Variants in EGFLAM observed in about 807,000 individuals in gnomAD.
The protein encoded by EGFLAM is EGF like, fibronectin type III and laminin G domains, also known as pikachurin.
Under a neutral mutation model 113.1 loss-of-function variants are expected in EGFLAM, and 79 were observed. The observed-to-expected ratio is 0.70, with a 90% CI of 0.58 to 0.84. EGFLAM has a LOEUF of 0.84. Ranked by LOEUF, EGFLAM falls within the 40% of genes least tolerant of loss-of-function variation. The probability of loss-of-function intolerance (pLI) is 0.00; values close to 1 mark genes in which losing one functional copy is unlikely to be tolerated. For missense variants in EGFLAM, 1,265 were observed against 1,291.6 expected, an observed-to-expected ratio of 0.98 and a Z score of 0.32; for synonymous variants, 504 against 487.6, an observed-to-expected ratio of 1.03 and a Z score of -0.44.
chr5:38,447,380 C>T (rs1483925906), intron 17 of EGFLAM, among the ~76,000 whole-genome samples: 1 of 152,222 alleles, frequency 6.6e-6, no homozygotes, highest in African/African-American at 2.4e-5. Context: ...CTACTCCTCA[C>T]TTTCTTCTTC....
At chr5:38,459,770 CCCCTGGCTGCTGGGCCCCCAA>C (rs1283317588) in intron 20 of EGFLAM, among the ~76,000 whole-genome samples, 14,498 of 91,560 alleles carry the variant, frequency 0.16, 2,128 homozygotes, top group African/African-American at 0.44. Context: ...GGGCCCCCAA[CCCCTGGCTGCTGGGCCCCCAA>C]CCCTGGCTGT....
intron 19 of EGFLAM, among the ~76,000 whole-genome samples, chr5:38,455,615 T>A (rs1445148291): frequency 6.6e-6 from 1 of 152,032 alleles, no homozygotes; most frequent in Non-Finnish European, 1.5e-5. Flanking sequence ...CCAGGGTGAG[T>A]ATCAGCACGT....
chr5:38,275,624 T>C (rs1757866493), intron 1 of EGFLAM, among the ~76,000 whole-genome samples: 1 of 152,204 alleles, frequency 6.6e-6, no homozygotes, highest in South Asian at 2.1e-4. Flanking sequence ...GCAATGTGAA[T>C]AGTAAGGGAC....
chr5:38,352,085 A>T, intron 4 of EGFLAM, 111 bp from the exon 5 acceptor site: 1 of 1,482,072 alleles, frequency 6.7e-7, no homozygotes. Flanking sequence ...CGAGCTGTTT[A>T]TGTATTATAT....
At position 38,464,008 on chromosome 5, in the gene EGFLAM, G is replaced by A. The variant is rs150706901; in HGVS notation, c.*22G>A. ...GTAACACCAGCTGGCCTTGTCCAAGGGACAGAGCCTTCTATTCTGAGAATC... is the reference window on the plus strand; with the variant it reads ...GTAACACCAGCTGGCCTTGTCCAAGAGACAGAGCCTTCTATTCTGAGAATC... On this transcript the variant is annotated 3_prime_UTR_variant, in exon 22 of 22. Transcript: ENST00000322350. 8.0e-4 allele frequency: 1,293 copies of A among 1,614,008 alleles called. 11 individuals are homozygous for A. In the African/African-American group the frequency reaches 0.014, roughly 18 times the overall value.
intron 12 of EGFLAM, among the ~76,000 whole-genome samples, chr5:38,418,532 T>C (rs893263694): frequency 2.6e-5 from 4 of 152,234 alleles, no homozygotes; most frequent in Non-Finnish European, 4.4e-5. Flanking sequence ...TCATGAAATA[T>C]GGCATGGTCT....
At chr5:38,452,513 A>G (rs547531532) in intron 19 of EGFLAM, among the ~76,000 whole-genome samples, 3 of 152,178 alleles carry the variant, frequency 2.0e-5, no homozygotes, top group Non-Finnish European at 2.9e-5. Context: ...TAAATTAGGA[A>G]GGGGCAGAAA....
chr5:38,425,116 C>T (rs199725252), intron 13 of EGFLAM, 24 bp downstream of exon 13: 129 of 1,607,416 alleles, frequency 8.0e-5, no homozygotes, highest in Admixed American at 8.4e-5. Flanking sequence ...AAGTTGAAGG[C>T]GGTTTCTATC....
chr5:38,422,511 T>C (rs756451222), intron 12 of EGFLAM, among the ~76,000 whole-genome samples: 17 of 152,192 alleles, frequency 1.1e-4, no homozygotes, highest in Non-Finnish European at 2.5e-4. Context: ...CTCATAATGA[T>C]GTTCTTAAAT....
In EGFLAM at chr5:38,463,084, G is replaced by A. The variant is rs75221022; in HGVS notation, c.2875+73G>A. The A allele has an allele frequency of 1.1e-3, 1,587 of 1,455,460 alleles. 15 individuals carry two copies. In the African/African-American group the frequency reaches 0.016, roughly 15 times the overall value. The allele number at this position is 1,455,460 out of a possible 1,614,324, so 90.2% of individuals were successfully genotyped here. On this transcript the variant is annotated intron_variant, in intron 21 of 21. Coordinates refer to ENST00000322350, the MANE Select transcript of EGFLAM (RefSeq NM_152403.4). ...TTGTTAGTCTTCCATTTGCTGTGCC[G>A]AGGCTATGTACTTTGCTGGATCAAA...
chr5:38,307,542 T>C (rs770346327), intron 1 of EGFLAM, among the ~76,000 whole-genome samples: 29 of 152,228 alleles, frequency 1.9e-4, no homozygotes, highest in African/African-American at 6.8e-4. Flanking sequence ...TGCGGAACTG[T>C]GAGTCAATTA....
chr5:38,312,141 G>A (rs1011774829), intron 1 of EGFLAM, among the ~76,000 whole-genome samples: 2 of 152,072 alleles, frequency 1.3e-5, no homozygotes, highest in African/African-American at 4.8e-5. Flanking sequence ...GGTTACAAGT[G>A]CTGGCTTTGG....
chr5:38,324,743 C>T (rs1193084865), intron 1 of EGFLAM, among the ~76,000 whole-genome samples: 1 of 152,128 alleles, frequency 6.6e-6, no homozygotes, highest in Non-Finnish European at 1.5e-5. Context: ...ATCTCTTAGG[C>T]TCGGGGGAAG....
At chr5:38,263,823 T>C (rs1416755764) in intron 1 of EGFLAM, among the ~76,000 whole-genome samples, 1 of 152,210 alleles carries the variant, frequency 6.6e-6, no homozygotes, top group Non-Finnish European at 1.5e-5. Flanking sequence ...AGTCAAGGTT[T>C]ATTTGCTTTT....
intron 1 of EGFLAM, among the ~76,000 whole-genome samples, chr5:38,336,594 C>CACACACACACACACAG (rs1464248505): frequency 6.6e-6 from 1 of 151,608 alleles, no homozygotes; most frequent in African/African-American, 2.4e-5. Flanking sequence ...CACACACACA[C>CACACACACACACACAG]ACACAGACAC....
At chr5:38,316,629 A>G (rs1738602913) in intron 1 of EGFLAM, among the ~76,000 whole-genome samples, 1 of 152,128 alleles carries the variant, frequency 6.6e-6, no homozygotes, top group Non-Finnish European at 1.5e-5. Flanking sequence ...TTTTTGTTAA[A>G]GATTCTGCAT....
At chr5:38,330,255 A>G (rs1233662961) in intron 1 of EGFLAM, among the ~76,000 whole-genome samples, 1 of 152,210 alleles carries the variant, frequency 6.6e-6, no homozygotes, top group Non-Finnish European at 1.5e-5. Flanking sequence ...CCAATTGGAT[A>G]TACTCTTGAG....
intron 17 of EGFLAM, among the ~76,000 whole-genome samples, chr5:38,445,879 G>C (rs920618809): frequency 5.3e-5 from 8 of 152,162 alleles, no homozygotes; most frequent in African/African-American, 1.9e-4. Context: ...GGGCTGAGCC[G>C]GCAGCTGCTG....
chr5:38,445,194 G>A lies in EGFLAM; in HGVS notation c.2465-3107G>A, dbSNP rs187358117. On this transcript the variant is annotated intron_variant, in intron 17 of 21. Transcript: ENST00000322350. ...TTGCAATGGGGGGTGGCGTGGGAAT[G>A]AGGGCGATATTTTCCACTAGGGAGA... 2.0e-3 allele frequency among the ~76,000 whole-genome samples: 310 copies of A among 152,268 alleles called. 1 individual carries two copies. Among genetic ancestry groups the A allele is most frequent in the Non-Finnish European group, 3.0e-3 (207 of 68,020 alleles).
Sources: gnomAD v4.1 joint callset for allele counts (sites outside exome capture counted in the v4.1 genomes callset) on GRCh38, gnomAD v4.1.1 for gene constraint, MANE v1.5 for transcripts, NCBI Gene and HGNC (gene_info 2026-07-23, HGNC 2026-07-21) for gene names.